HID1: variants seen among roughly 807,000 people sequenced by gnomAD.
HID1 encodes the protein protein HID1.
A neutral mutation model predicts 89.7 loss-of-function variants in HID1; 42 were observed. The ratio of observed to expected loss-of-function variants is 0.47; its 90% CI spans 0.37 to 0.61. The LOEUF is 0.61. Among genes scored for constraint, HID1 ranks in the 20% least tolerant of loss-of-function variants. HID1 has a pLI of 0.00. For missense variants in HID1, 854 were observed against 1,039.3 expected (o/e 0.82, Z 2.45); for synonymous variants, 442 against 433.8 (o/e 1.02, Z -0.24).
Position 74,972,443 on chromosome 17 carries a change from C to T in HID1, c.66+148G>A. The T allele has an allele frequency of 1.4e-6, 1 of 713,314 alleles. No homozygotes were observed. Among genetic ancestry groups the T allele is most frequent in the South Asian group, 1.8e-5 (1 of 54,160 alleles). 44.2% of individuals were successfully genotyped at this position (713,314 alleles called of 1,614,324 possible). On this transcript the variant is annotated intron_variant, in intron 1 of 18. Transcript: ENST00000425042. This position sits in a 1 kb window ranked among gnomAD's most constrained non-coding sequence, Gnocchi z 6.4. ...GGATGGAGCTTCCAGGTACAGGCCG[C>T]GGGGTCCCGTTCCGGCGCTGGCCTT...
intron 1 of HID1, among the ~76,000 whole-genome samples, chr17:74,970,953 A>T (rs1251818979): frequency 6.6e-6 from 1 of 152,148 alleles, no homozygotes; most frequent in Non-Finnish European, 1.5e-5. Flanking sequence ...GGCTGGTCTG[A>T]TCTCCAGCCT....
chr17:74,964,078 C>G (rs1007483147), intron 2 of HID1, 168 bp from the exon 3 acceptor site: 8 of 682,166 alleles, frequency 1.2e-5, no homozygotes, highest in Admixed American at 1.1e-4. Context: ...GAGTTGGGGT[C>G]GGCCAGCCTT....
rs912255589 is a variant in HID1 at position 74,954,250 on chromosome 17, T to C, written c.1752A>G (p.Thr584=). The C allele has an allele frequency of 6.3e-7, 1 of 1,590,706 alleles. No homozygotes were observed. Among genetic ancestry groups the C allele is most frequent in the South Asian group, 1.1e-5 (1 of 87,306 alleles). The change falls in exon 14 of 19, where the codon ACA becomes ACG. Residue 584 remains threonine, a synonymous_variant. Coordinates refer to ENST00000425042, the MANE Select transcript of HID1 (RefSeq NM_030630.3). ...AGCCGGTGCGAGACAAGGGCTCAGG[T>C]GTCCGCCGGCGCCGCTGCAGGGCCT... The part of the protein sequence containing the change: ...IHKALQRRRR[T]PEPLSRTGSQ...
chr17:74,960,409 T>C (rs1032461672), intron 6 of HID1, among the ~76,000 whole-genome samples, 161 bp from the exon 7 acceptor site: 1 of 151,962 alleles, frequency 6.6e-6, no homozygotes, highest in Non-Finnish European at 1.5e-5. Flanking sequence ...CCCAGAGCCA[T>C]GATTAGGACA....
chr17:74,972,709 G>C lies in HID1; in HGVS notation c.-53C>G. 5.4e-6 allele frequency: 8 copies of C among 1,470,618 alleles called. No homozygotes were observed. The highest frequency in any genetic ancestry group is 7.3e-6 in the Non-Finnish European group (8 of 1,097,956). The allele number at this position is 1,470,618 out of a possible 1,614,324, so 91.1% of individuals were successfully genotyped here. A position where few individuals can be genotyped will look rare whatever the true frequency, so the allele number is the denominator to read the frequency against. On this transcript the variant is annotated 5_prime_UTR_variant, in exon 1 of 19. Coordinates refer to ENST00000425042, the MANE Select transcript of HID1 (RefSeq NM_030630.3). This position sits in a 1 kb window ranked among gnomAD's most constrained non-coding sequence, Gnocchi z 6.4. ...CCCGCCCAGACTCCAACCCGGCTCC[G>C]GCTTCAGCTCCGGCTCCAGCTCCGC...
At position 74,972,663 on chromosome 17, in the gene HID1, G is replaced by A. The variant is rs2039667999; in HGVS notation, c.-7C>T. On this transcript the variant is annotated 5_prime_UTR_variant, in exon 1 of 19. Transcript: ENST00000425042. The surrounding 1 kb of genome is among the most constrained non-coding windows in gnomAD (Gnocchi z 6.4). ...TGGAGTCGGTCGACCCCATGTCTCT[G>A]GAGCCCGCTCCGGCCCGGCCCCCGC... 1.3e-6 allele frequency: 2 copies of A among 1,541,008 alleles called. No individual in the cohort carries two copies. Among genetic ancestry groups the A allele is most frequent in the Non-Finnish European group, 1.8e-6 (2 of 1,142,402 alleles).
At chr17:74,956,063 C>T (rs1228011357) in intron 12 of HID1, 107 bp from the exon 13 acceptor site, 5 of 1,144,302 alleles carry the variant, frequency 4.4e-6, no homozygotes, top group Admixed American at 2.2e-5. Context: ...CCTCCCTGCC[C>T]CCTGCAGAGC....
intron 3 of HID1, chr17:74,963,435 T>C (rs2039515310): frequency 2.0e-6 from 1 of 508,138 alleles, no homozygotes; most frequent in Non-Finnish European, 3.5e-6. Flanking sequence ...GAGGACAGTG[T>C]GGTCCCTCTC....
rs560545357 is a variant in HID1, at chr17:74,959,034, G to A, written c.1026C>T (p.Leu342=). 3.7e-4 allele frequency: 577 copies of A among 1,575,110 alleles called. 7 individuals are homozygous for A. In the South Asian group the frequency reaches 6.3e-3, roughly 17 times the overall value. ...TGGACAGCAGCCGGGCTATACCCTT[G>A]AGGATGAACTGGAAGTCCTGGGGGC... ...IHREEDFQFI[L]KGIARLLSNP... The change falls in exon 9 of 19, where the codon CTC becomes CTT. Residue 342 remains leucine, a synonymous_variant. Transcript: ENST00000425042. The surrounding 1 kb of genome is among the most constrained non-coding windows in gnomAD (Gnocchi z 4.6).
Position 74,962,131 on chromosome 17 carries a change from TG to T in HID1, c.611+102del. ...TGTAAGGTCAAGGTCGGGTCATAGG[TG>T]AGGACGGTCTTCTGGGAAGACCCCA... On this transcript the variant is annotated intron_variant, in intron 5 of 18. Coordinates refer to ENST00000425042, the MANE Select transcript of HID1 (RefSeq NM_030630.3). The surrounding 1 kb of genome is among the most constrained non-coding windows in gnomAD (Gnocchi z 4.3). 1 of 1,161,840 alleles carries T rather than the reference TG, an allele frequency of 8.6e-7. No homozygotes were observed. Among genetic ancestry groups the T allele is most frequent in the East Asian group, 2.5e-5 (1 of 40,252 alleles). 72.0% of individuals were successfully genotyped at this position (1,161,840 alleles called of 1,614,324 possible). A position where few individuals can be genotyped will look rare whatever the true frequency, so the allele number is the denominator to read the frequency against.
In HID1 at chr17:74,958,479, C is replaced by A; in HGVS notation, c.1241-1G>T. 1 of 1,590,196 alleles carries A rather than the reference C, an allele frequency of 6.3e-7. No individual in the cohort carries two copies. The highest frequency in any genetic ancestry group is 8.6e-7 in the Non-Finnish European group (1 of 1,168,532). On this transcript the variant is annotated splice_acceptor_variant, in intron 10 of 18. Coordinates refer to ENST00000425042, the MANE Select transcript of HID1 (RefSeq NM_030630.3). LOFTEE classifies it high-confidence loss of function. This position sits in a 1 kb window ranked among gnomAD's most constrained non-coding sequence, Gnocchi z 5.2. Reference sequence around the variant, plus strand: ...CCAATGTGCATCAGGCCCACCCGAGCTGCGGCAGGTGGCGTGGGAGGGGTC... The same window carrying A: ...CCAATGTGCATCAGGCCCACCCGAGATGCGGCAGGTGGCGTGGGAGGGGTC...
chr17:74,969,599 CT>C lies in HID1; in HGVS notation c.66+2991del, dbSNP rs1466182237. 5.3e-5 allele frequency among the ~76,000 whole-genome samples: 8 copies of C among 151,970 alleles called. No individual in the cohort carries two copies. The East Asian group carries it at 1.6e-3, about 30-fold the overall frequency. ...ATCCAGGTATTCTTCTCCCCTTATT[CT>C]TTTTCTTTTGTTTGTTTTTGAGTCA... On this transcript the variant is annotated intron_variant, in intron 1 of 18. Coordinates refer to ENST00000425042, the MANE Select transcript of HID1 (RefSeq NM_030630.3).
rs2039498964 is a variant in HID1, at chr17:74,962,536, AT to A, written c.505-197del. On this transcript the variant is annotated intron_variant, in intron 4 of 18. Transcript: ENST00000425042. The surrounding 1 kb of genome is among the most constrained non-coding windows in gnomAD (Gnocchi z 4.3). Reference sequence around the variant, plus strand: ...ATATTCTTAGGCCTCTTGAAAGCTCATTTTTCTTCCATCTCAGACTGGTTCT... The same window carrying A: ...ATATTCTTAGGCCTCTTGAAAGCTCATTTTCTTCCATCTCAGACTGGTTCT... 6.6e-6 allele frequency among the ~76,000 whole-genome samples: 1 copy of A among 151,606 alleles called. No individual in the cohort carries two copies. The highest frequency in any genetic ancestry group is 1.5e-5 in the Non-Finnish European group (1 of 67,900).
intron 13 of HID1, 73 bp downstream of exon 13, chr17:74,955,719 G>A: frequency 6.9e-7 from 1 of 1,449,334 alleles, no homozygotes; most frequent in Non-Finnish European, 9.5e-7. Flanking sequence ...CACCTCCTGG[G>A]CTGTGCCCCC....
Position 74,951,911 on chromosome 17 carries a change from T to C in HID1, c.2297A>G (p.Tyr766Cys). 1 of 1,524,906 alleles carries C rather than the reference T, an allele frequency of 6.6e-7. No individual in the cohort carries two copies. Among genetic ancestry groups the C allele is most frequent in the Non-Finnish European group, 8.8e-7 (1 of 1,133,804 alleles). 94.5% of individuals were successfully genotyped at this position (1,524,906 alleles called of 1,614,324 possible). ...WFRTYMWGVI[Y>C]LRNVDPPVWY... ...CCCACTCCCCGGGGCCCACCTCAGA[T>C]AGATGACGCCCCACATGTAGGTGCG... The change falls in exon 18 of 19, where the codon TAT (tyrosine) becomes TGT (cysteine). Residue 766 changes from tyrosine (Y) to cysteine (C), a missense_variant. Tyr to Cys is a radical substitution (Grantham distance 194). Coordinates refer to ENST00000425042, the MANE Select transcript of HID1 (RefSeq NM_030630.3).
intron 1 of HID1, among the ~76,000 whole-genome samples, chr17:74,970,342 C>G (rs2039627995): frequency 6.6e-6 from 1 of 152,232 alleles, no homozygotes; most frequent in Non-Finnish European, 1.5e-5. Context: ...CCCTAGTCCT[C>G]AAGCCTGCTA....
At position 74,964,549 on chromosome 17, in the gene HID1, C is replaced by A. The variant is rs1394115730; in HGVS notation, c.150G>T (p.Val50=). 16 of 1,610,584 alleles carry A rather than the reference C, an allele frequency of 9.9e-6. No individual in the cohort carries two copies. The highest frequency in any genetic ancestry group is 1.4e-5 in the Non-Finnish European group (16 of 1,178,790). The change falls in exon 2 of 19, where the codon GTG becomes GTT. Residue 50 remains valine, a synonymous_variant. Transcript: ENST00000425042. ...GCACGGCCCGGATCTCTGCTGCCGG[C>A]ACCAGTGCAAACACATCCTGCACCG... ...ATSVQDVFAL[V]PAAEIRAVRE... is the part of the protein sequence containing the mutation.
rs1014800534 is a variant in HID1, at chr17:74,963,313, G to T, written c.388-232C>A. 5.6e-6 allele frequency: 3 copies of T among 533,410 alleles called. No homozygotes were observed. The South Asian group carries it at 7.2e-5, about 13-fold the overall frequency. 33.0% of individuals were successfully genotyped at this position (533,410 alleles called of 1,614,324 possible). The stretch of plus-strand genomic sequence containing the variant: ...GGGAACCTCCCCTACTGACTGGAGG[G>T]GGCCGGGCGGTGACCCCAACATCAA... On this transcript the variant is annotated intron_variant, in intron 3 of 18. Coordinates refer to ENST00000425042, the MANE Select transcript of HID1 (RefSeq NM_030630.3).
intron 1 of HID1, 88 bp from the exon 2 acceptor site, chr17:74,964,720 G>A (rs2039536915): frequency 7.2e-7 from 1 of 1,397,062 alleles, no homozygotes; most frequent in South Asian, 1.4e-5. Flanking sequence ...GAGACCCTGA[G>A]AGGGAAGCCA....
Sources: gnomAD v4.1 joint callset for allele counts (sites outside exome capture counted in the v4.1 genomes callset) on GRCh38, gnomAD v4.1.1 for gene constraint, Gnocchi (gnomAD v3.1) non-coding constraint, MANE v1.5 for transcripts, NCBI Gene and HGNC (gene_info 2026-07-23, HGNC 2026-07-21) for gene names.